Variants in PLPPR5 observed in about 807,000 individuals in gnomAD.
The protein encoded by PLPPR5 is phospholipid phosphatase related 5, also known as phospholipid phosphatase-related protein type 5.
A neutral mutation model predicts 33.9 loss-of-function variants in PLPPR5; 16 were observed. That is an observed-to-expected ratio of 0.47 (90% CI 0.32 to 0.72). The LOEUF is 0.72. Among genes scored for constraint, PLPPR5 ranks in the 30% least tolerant of loss-of-function variants. The pLI is 0.03. For synonymous variants in PLPPR5, 163 were observed against 150.3 expected (o/e 1.08, Z -0.62); for missense variants, 301 against 406.7 (o/e 0.74, Z 2.23).
At chr1:98,973,393 A>T (rs1651728012) in intron 1 of PLPPR5, among the ~76,000 whole-genome samples, 1 of 151,912 alleles carries the variant, frequency 6.6e-6, no homozygotes. Context: ...GGACAGTAGG[A>T]TGGGGAGAGA....
At chr1:98,965,639 C>A (rs922860676) in intron 1 of PLPPR5, among the ~76,000 whole-genome samples, 4 of 152,120 alleles carry the variant, frequency 2.6e-5, no homozygotes, top group African/African-American at 9.7e-5. Flanking sequence ...ATGCATAGTC[C>A]AACTTTGTGA....
chr1:98,953,350 C>A (rs1174968681), intron 2 of PLPPR5, 30 bp from the exon 3 acceptor site: 3 of 1,458,262 alleles, frequency 2.1e-6, no homozygotes, highest in East Asian at 5.1e-5. Flanking sequence ...ATTTTAACTT[C>A]TTGCTTGTGT....
intron 3 of PLPPR5, among the ~76,000 whole-genome samples, chr1:98,924,005 G>A (rs550439217): frequency 6.6e-6 from 1 of 152,042 alleles, no homozygotes; most frequent in Non-Finnish European, 1.5e-5. Context: ...CTATAAGGCT[G>A]GTTAATTATT....
intron 1 of PLPPR5, among the ~76,000 whole-genome samples, chr1:99,001,548 A>C (rs913332611): frequency 3.3e-5 from 5 of 151,562 alleles, no homozygotes; most frequent in African/African-American, 1.2e-4. Flanking sequence ...CAAAATATAT[A>C]TTGTTTTTAA....
At chr1:98,960,722 G>A (rs1215963356) in intron 1 of PLPPR5, among the ~76,000 whole-genome samples, 1 of 152,134 alleles carries the variant, frequency 6.6e-6, no homozygotes, top group Non-Finnish European at 1.5e-5. Context: ...CATGCTAGGA[G>A]AACACTTAGG....
At chr1:98,984,272 C>T (rs1218598982) in intron 1 of PLPPR5, among the ~76,000 whole-genome samples, 3 of 152,036 alleles carry the variant, frequency 2.0e-5, no homozygotes, top group South Asian at 2.1e-4. Context: ...TTACATGACC[C>T]AACCCTGCAG....
chr1:98,955,813 T>C (rs1457475442), intron 2 of PLPPR5, among the ~76,000 whole-genome samples: 2 of 152,146 alleles, frequency 1.3e-5, no homozygotes, highest in Non-Finnish European at 2.9e-5. Context: ...AATAAAAATT[T>C]ATCTTAAATG....
At chr1:98,896,997 T>C (rs1257308944) in intron 5 of PLPPR5, among the ~76,000 whole-genome samples, 2 of 152,168 alleles carry the variant, frequency 1.3e-5, no homozygotes, top group African/African-American at 4.8e-5. Context: ...GTCTTTGGAA[T>C]TACAGCTATA....
At chr1:98,925,086 T>C (rs1490489346) in intron 3 of PLPPR5, among the ~76,000 whole-genome samples, 3 of 152,226 alleles carry the variant, frequency 2.0e-5, no homozygotes, top group African/African-American at 7.2e-5. Flanking sequence ...GCCAGTCTAA[T>C]TGTGTTATCC....
At chr1:98,971,864 T>C (rs1651674117) in intron 1 of PLPPR5, among the ~76,000 whole-genome samples, 1 of 152,074 alleles carries the variant, frequency 6.6e-6, no homozygotes, top group Non-Finnish European at 1.5e-5. Flanking sequence ...TGATGAATAT[T>C]TTCATGTTAA....
chr1:98,933,193 T>TA lies in PLPPR5; in HGVS notation c.622-11136dup, dbSNP rs879430958. On this transcript the variant is annotated intron_variant, in intron 3 of 5. Coordinates refer to ENST00000263177, the MANE Select transcript of PLPPR5 (RefSeq NM_001037317.2). ...CTTGCCTTGCATAGAGAGGGCTTTT[T>TA]AAAAAAAAAAAAAAGGTTTCAGTGG... 1.7e-3 allele frequency among the ~76,000 whole-genome samples: 239 copies of TA among 143,866 alleles called. 1 individual carries two copies. The highest frequency in any genetic ancestry group is 4.1e-3 in the African/African-American group (163 of 39,388). The allele number at this position is 143,866 out of a possible 152,430, so 94.4% of individuals were successfully genotyped here. A position where few individuals can be genotyped will look rare whatever the true frequency, so the allele number is the denominator to read the frequency against.
At chr1:98,973,312 A>C (rs1020205766) in intron 1 of PLPPR5, among the ~76,000 whole-genome samples, 2 of 125,872 alleles carry the variant, frequency 1.6e-5, no homozygotes, top group Non-Finnish European at 3.7e-5. Flanking sequence ...TGGTAAATGT[A>C]GGGATTGACA....
chr1:98,974,038 G>A (rs755641847), intron 1 of PLPPR5, among the ~76,000 whole-genome samples: 7 of 151,862 alleles, frequency 4.6e-5, no homozygotes, highest in South Asian at 2.1e-4. Flanking sequence ...TTAAAGCCGC[G>A]GGAAAGCAAA....
chr1:98,921,871 T>C lies in PLPPR5; in HGVS notation c.798+11A>G, dbSNP rs756897469. The C allele has an allele frequency of 5.0e-6, 8 of 1,596,368 alleles. No individual in the cohort carries two copies. In the East Asian group the frequency reaches 1.6e-4, roughly 31 times the overall value. ...AAAAACCCAATGATATATAAATAAA[T>C]TTGTACTTACCAGAAATACTGCTAT... On this transcript the variant is annotated intron_variant, in intron 4 of 5. Coordinates refer to ENST00000263177, the MANE Select transcript of PLPPR5 (RefSeq NM_001037317.2).
chr1:98,971,312 T>A (rs1048901865), intron 1 of PLPPR5, among the ~76,000 whole-genome samples: 1 of 151,988 alleles, frequency 6.6e-6, no homozygotes, highest in Non-Finnish European at 1.5e-5. Flanking sequence ...AAAGCAATAA[T>A]GATTATATAT....
rs564445823 is a variant in PLPPR5 at position 98,911,446 on chromosome 1, G to T, written c.933+3340C>A. 4.1e-4 allele frequency among the ~76,000 whole-genome samples: 63 copies of T among 152,194 alleles called. No individual in the cohort carries two copies. In the South Asian group the frequency reaches 8.1e-3, roughly 20 times the overall value. On this transcript the variant is annotated intron_variant, in intron 5 of 5. Transcript: ENST00000263177. ...TACTCATCTGTAACAATTTATAGATGAATAGAATTTTTTTGCTTTTACTGT... is the reference window on the plus strand; with the variant it reads ...TACTCATCTGTAACAATTTATAGATTAATAGAATTTTTTTGCTTTTACTGT...
rs58092870 is a variant in PLPPR5, at chr1:98,953,355, TTGTGTGTG to T, written c.371-43_371-36del. The T allele has an allele frequency of 8.6e-3, 11,889 of 1,378,632 alleles. 24 individuals carry two copies. The highest frequency in any genetic ancestry group is 0.01 in the Non-Finnish European group (10,634 of 1,030,562). 85.4% of individuals were successfully genotyped at this position (1,378,632 alleles called of 1,614,324 possible). A position where few individuals can be genotyped will look rare whatever the true frequency, so the allele number is the denominator to read the frequency against. On this transcript the variant is annotated intron_variant, in intron 2 of 5. Coordinates refer to ENST00000263177, the MANE Select transcript of PLPPR5 (RefSeq NM_001037317.2). ...AAAACAAATAATTTTAACTTCTTGC[TTGTGTGTG>T]TGTGTGTGTGTGTGTGTGTGTGTGT...
intron 1 of PLPPR5, among the ~76,000 whole-genome samples, chr1:98,982,152 C>T (rs1227721281): frequency 3.3e-5 from 5 of 151,998 alleles, no homozygotes; most frequent in African/African-American, 1.2e-4. Flanking sequence ...AGAAACTCTG[C>T]CAGCTATCTG....
chr1:98,966,030 T>C (rs1041911145), intron 1 of PLPPR5, among the ~76,000 whole-genome samples: 4 of 152,032 alleles, frequency 2.6e-5, no homozygotes, highest in African/African-American at 9.7e-5. Context: ...AAATGTGGGG[T>C]TTTATTTGTT....
Sources: allele counts gnomAD v4.1 joint callset (sites outside exome capture counted in the v4.1 genomes callset), GRCh38; gene constraint gnomAD v4.1.1; transcripts MANE v1.5; gene names NCBI Gene and HGNC (gene_info 2026-07-23, HGNC 2026-07-21).